The following PRPS2 variants were observed in gnomAD, a reference collection of about 807,000 sequenced individuals.
PRPS2 encodes ribose-phosphate pyrophosphokinase 2.
For synonymous variants in PRPS2, 111 were observed against 115.3 expected (o/e 0.96, Z 0.24); for missense variants, 104 against 271.5 (o/e 0.38, Z 4.34).
Position 12,810,152 on chromosome X carries a change from A to G in PRPS2, c.530+6A>G, listed in dbSNP as rs774200829. 4 of 1,211,727 alleles carry G rather than the reference A, an allele frequency of 3.3e-6. No individual in the cohort carries two copies. The South Asian group carries it at 7.0e-5, about 21-fold the overall frequency. ...GACGCAGGGGGAGCCAAAAGGTATC[A>G]TGCAGGCTACACCTTGCAGATTTCT... On this transcript the variant is annotated splice_donor_region_variant and intron_variant, in intron 4 of 6. Transcript: ENST00000380668.
In PRPS2 at chrX:12,820,395, T is replaced by C. The variant is rs112131784; in HGVS notation, c.705-249T>C. On this transcript the variant is annotated intron_variant, in intron 5 of 6. Coordinates refer to ENST00000380668, the MANE Select transcript of PRPS2 (RefSeq NM_002765.5). ...GGGATGCTGTTGAATTTTCCCATAA[T>C]GCGTAGGACAGCCCCCGTGACAAAG... 4.5e-4 allele frequency among the ~76,000 whole-genome samples: 50 copies of C among 111,196 alleles called. 1 individual carries two copies. Among genetic ancestry groups the C allele is most frequent in the African/African-American group, 1.6e-3 (49 of 30,579 alleles).
chrX:12,810,358 A>G (rs1392185300), intron 4 of PRPS2: 1 of 428,415 alleles, frequency 2.3e-6, no homozygotes, highest in East Asian at 3.9e-5. Flanking sequence ...ACAGAGACAC[A>G]CATACACAAT....
chrX:12,823,229 A>G lies in PRPS2; in HGVS notation c.*433A>G, dbSNP rs1340509518. On this transcript the variant is annotated 3_prime_UTR_variant, in exon 7 of 7. Transcript: ENST00000380668. ...TGATAATGCCTATGGACATTTGGGT[A>G]AAACCCTGTATAGAATTAATTATCC... 8.8e-6 allele frequency: 1 copy of G among 114,171 alleles called. No individual in the cohort carries two copies. Among genetic ancestry groups the G allele is most frequent in the African/African-American group, 3.3e-5 (1 of 30,702 alleles). The allele number at this position is 114,171 out of a possible 1,213,427, so 9.4% of individuals were successfully genotyped here.
intron 1 of PRPS2, among the ~76,000 whole-genome samples, chrX:12,793,691 A>C (rs187222086): frequency 8.9e-6 from 1 of 112,338 alleles, no homozygotes; most frequent in Non-Finnish European, 1.9e-5. Context: ...GAGAGGAAAA[A>C]CTGAAGGGCA....
intron 2 of PRPS2, among the ~76,000 whole-genome samples, chrX:12,806,553 A>G (rs2147218424): frequency 8.9e-6 from 1 of 112,671 alleles, no homozygotes; most frequent in South Asian, 3.6e-4. Context: ...TTTTCCTGCA[A>G]GATTCAGTTG....
intron 5 of PRPS2, among the ~76,000 whole-genome samples, chrX:12,820,000 G>A (rs925878471): frequency 9.0e-6 from 1 of 111,672 alleles, no homozygotes; most frequent in East Asian, 2.8e-4. Context: ...TTTGGCTTTC[G>A]TGCCAGCCTT....
In PRPS2 at chrX:12,823,391, T is replaced by C. The variant is rs766695712; in HGVS notation, c.*595T>C. ...ACTGTGCTTAATTTGGACCAAATTT[T>C]ATTTAGCTTAATATGGACACTGACA... On this transcript the variant is annotated 3_prime_UTR_variant, in exon 7 of 7. Coordinates refer to ENST00000380668, the MANE Select transcript of PRPS2 (RefSeq NM_002765.5). 1 of 108,125 alleles carries C rather than the reference T, an allele frequency of 9.2e-6. No homozygotes were observed. The highest frequency in any genetic ancestry group is 4.1e-4 in the South Asian group (1 of 2,463). 8.9% of individuals were successfully genotyped at this position (108,125 alleles called of 1,213,427 possible).
chrX:12,792,795 C>G (rs758492912), intron 1 of PRPS2, among the ~76,000 whole-genome samples: 3 of 112,439 alleles, frequency 2.7e-5, no homozygotes, highest in African/African-American at 9.7e-5. Flanking sequence ...AAATCTAGAA[C>G]TATAAAATTT....
Position 12,791,446 on chromosome X carries a change from C to T in PRPS2, c.-52C>T, listed in dbSNP as rs2042517245. ...GCCTCCCGCGTCGCTGTCGCTGTTGCCTCCGCCACCTCCTCCGCCGCCGCG... is the reference window on the plus strand; with the variant it reads ...GCCTCCCGCGTCGCTGTCGCTGTTGTCTCCGCCACCTCCTCCGCCGCCGCG... On this transcript the variant is annotated 5_prime_UTR_variant, in exon 1 of 7. Coordinates refer to ENST00000380668, the MANE Select transcript of PRPS2 (RefSeq NM_002765.5). 7 of 1,173,721 alleles carry T rather than the reference C, an allele frequency of 6.0e-6. No homozygotes were observed. The East Asian group carries it at 9.5e-5, about 16-fold the overall frequency.
At chrX:12,820,289 C>T (rs1248260121) in intron 5 of PRPS2, among the ~76,000 whole-genome samples, 3 of 111,912 alleles carry the variant, frequency 2.7e-5, no homozygotes, top group Non-Finnish European at 3.8e-5. Context: ...ATTTTGCTCC[C>T]TGGGAGACAT....
At position 12,799,190 on chromosome X, in the gene PRPS2, C is replaced by T; in HGVS notation, c.123-17C>T. ...AATATGCTTCGATATTAACCGATGGCAGTTTTCTTTTCCTAGCGTGGAGAT... is the reference window on the plus strand; with the variant it reads ...AATATGCTTCGATATTAACCGATGGTAGTTTTCTTTTCCTAGCGTGGAGAT... On this transcript the variant is annotated splice_polypyrimidine_tract_variant and intron_variant, in intron 1 of 6. Coordinates refer to ENST00000380668, the MANE Select transcript of PRPS2 (RefSeq NM_002765.5). 1 of 1,206,397 alleles carries T rather than the reference C, an allele frequency of 8.3e-7. No individual in the cohort carries two copies. Among genetic ancestry groups the T allele is most frequent in the East Asian group, 3.0e-5 (1 of 33,786 alleles).
chrX:12,805,878 G>T lies in PRPS2; in HGVS notation c.307-3356G>T, dbSNP rs767229014. On this transcript the variant is annotated intron_variant, in intron 2 of 6. Transcript: ENST00000380668. Reference sequence around the variant, plus strand: ...ACCTGAGGTCAGGAGTTCGAGAAGAGCCTGGCCAACATGGTGAAACCCCAT... The same window carrying T: ...ACCTGAGGTCAGGAGTTCGAGAAGATCCTGGCCAACATGGTGAAACCCCAT... 2.7e-5 allele frequency among the ~76,000 whole-genome samples: 3 copies of T among 111,911 alleles called. No homozygotes were observed. In the South Asian group the frequency reaches 1.1e-3, roughly 41 times the overall value.
rs925680633 is a variant in PRPS2 at position 12,811,911 on chromosome X, G to A, written c.530+1765G>A. Among the ~76,000 whole-genome samples the A allele has an allele frequency of 2.7e-5, 3 of 112,250 alleles. 1 individual carries two copies. The highest frequency in any genetic ancestry group is 3.8e-5 in the Non-Finnish European group (2 of 53,216). ...ACCATGCAGCTGGAGATCGGCCTCTGCCAGCAGCAGGAAGTGGCTGTGGCC... is the reference window on the plus strand; with the variant it reads ...ACCATGCAGCTGGAGATCGGCCTCTACCAGCAGCAGGAAGTGGCTGTGGCC... On this transcript the variant is annotated intron_variant, in intron 4 of 6. Transcript: ENST00000380668.
At chrX:12,804,759 A>G (rs753258687) in intron 2 of PRPS2, among the ~76,000 whole-genome samples, 1 of 111,415 alleles carries the variant, frequency 9.0e-6, no homozygotes, top group East Asian at 2.8e-4. Context: ...GTGGCGTTAG[A>G]TTGTGATGAG....
chrX:12,822,344 C>T (rs1569098800), intron 6 of PRPS2, among the ~76,000 whole-genome samples: 1 of 112,287 alleles, frequency 8.9e-6, no homozygotes, highest in Non-Finnish European at 1.9e-5. Flanking sequence ...TTAAATGACG[C>T]AGTCACCGCC....
Position 12,822,679 on chromosome X carries a change from C to G in PRPS2, c.865-25C>G. 3 of 1,179,446 alleles carry G rather than the reference C, an allele frequency of 2.5e-6. No individual in the cohort carries two copies. In the African/African-American group the frequency reaches 5.2e-5, roughly 21 times the overall value. ...CTAAGATGTCCTGCTTCCCTTCTCC[C>G]TTTGTTTTTCTCATTGGCATTTAGG... On this transcript the variant is annotated intron_variant, in intron 6 of 6. Coordinates refer to ENST00000380668, the MANE Select transcript of PRPS2 (RefSeq NM_002765.5).
At chrX:12,806,872 T>A (rs144624125) in intron 2 of PRPS2, among the ~76,000 whole-genome samples, 158 of 111,816 alleles carry the variant, frequency 1.4e-3, no homozygotes, top group African/African-American at 4.7e-3. Flanking sequence ...GCGGATCACC[T>A]GAGGTCGGGA....
At chrX:12,808,584 A>T (rs759243090) in intron 2 of PRPS2, among the ~76,000 whole-genome samples, 1 of 112,524 alleles carries the variant, frequency 8.9e-6, no homozygotes, top group South Asian at 3.7e-4. Flanking sequence ...TATGAAATTA[A>T]ATAGTAACTA....
At chrX:12,811,036 G>A (rs1328595905) in intron 4 of PRPS2, among the ~76,000 whole-genome samples, 1 of 111,728 alleles carries the variant, frequency 9.0e-6, no homozygotes. Context: ...ACACGAAAAT[G>A]TGCTCCAGGC....
Sources: gnomAD v4.1 joint callset for allele counts (sites outside exome capture counted in the v4.1 genomes callset) on GRCh38, gnomAD v4.1.1 for gene constraint, MANE v1.5 for transcripts, NCBI Gene and HGNC (gene_info 2026-07-23, HGNC 2026-07-21) for gene names.